Variants in DAP observed in about 807,000 individuals in gnomAD.
DAP encodes death associated protein.
Under a neutral mutation model 13.8 loss-of-function variants are expected in DAP, and 8 were observed. That is an observed-to-expected ratio of 0.58 (90% CI 0.34 to 1.05). The LOEUF is 1.05. Ranked by LOEUF, DAP falls within the 50% of genes least tolerant of loss-of-function variation. The pLI, the probability that DAP is intolerant of heterozygous loss-of-function variation, is 0.03. For synonymous variants in DAP, 47 were observed against 47.5 expected (o/e 0.99, Z 0.04); for missense variants, 106 against 133.2 (o/e 0.80, Z 1.01).
chr5:10,752,638 C>CTG (rs35087570), intron 1 of DAP, among the ~76,000 whole-genome samples: 4,321 of 150,686 alleles, frequency 0.029, 94 homozygotes, highest in African/African-American at 0.067. Flanking sequence ...CCAGTTCTGC[C>CTG]TGTGTGTGTG....
intron 2 of DAP, among the ~76,000 whole-genome samples, chr5:10,696,509 G>C (rs559747750): frequency 1.3e-5 from 2 of 152,318 alleles, no homozygotes; most frequent in African/African-American, 4.8e-5. Context: ...CAGATGAGCA[G>C]CCTCTCAAAG....
intron 2 of DAP, among the ~76,000 whole-genome samples, chr5:10,692,968 T>C (rs1225938277): frequency 1.3e-5 from 2 of 152,184 alleles, no homozygotes; most frequent in African/African-American, 4.8e-5. Flanking sequence ...AAAAATGCAG[T>C]GCCCTTCTTC....
intron 2 of DAP, among the ~76,000 whole-genome samples, chr5:10,721,812 T>C (rs182995367): frequency 2.0e-5 from 3 of 152,344 alleles, no homozygotes; most frequent in Admixed American, 6.5e-5. Context: ...TTGTCATGAG[T>C]ATTTCCTCTT....
chr5:10,736,967 G>A (rs1739626962), intron 2 of DAP, among the ~76,000 whole-genome samples: 1 of 152,220 alleles, frequency 6.6e-6, no homozygotes. Context: ...CCAGTGCAGG[G>A]CTCTGTGGCC....
chr5:10,728,964 G>A (rs765787890), intron 2 of DAP, among the ~76,000 whole-genome samples: 4 of 152,240 alleles, frequency 2.6e-5, no homozygotes, highest in Admixed American at 6.5e-5. Context: ...TCCACCTATC[G>A]AAATTCTATG....
chr5:10,745,879 C>T (rs1271185250), intron 2 of DAP, among the ~76,000 whole-genome samples: 1 of 152,164 alleles, frequency 6.6e-6, no homozygotes, highest in Non-Finnish European at 1.5e-5. Context: ...CCCCAGGTTT[C>T]CTAGAGGGAA....
At chr5:10,692,414 C>T (rs542704132) in intron 2 of DAP, among the ~76,000 whole-genome samples, 1 of 152,278 alleles carries the variant, frequency 6.6e-6, no homozygotes, top group South Asian at 2.1e-4. Context: ...CATCCTTTCG[C>T]AGTTGAGAGC....
intron 2 of DAP, among the ~76,000 whole-genome samples, chr5:10,700,335 G>T (rs947533129): frequency 5.9e-5 from 9 of 152,186 alleles, no homozygotes; most frequent in Admixed American, 4.6e-4. Context: ...CATTTCAGGA[G>T]AACTGCCACC....
At chr5:10,748,353 G>T in intron 1 of DAP, 82 bp from the exon 2 acceptor site, 1 of 1,086,982 alleles carries the variant, frequency 9.2e-7, no homozygotes, top group Non-Finnish European at 1.4e-6. Flanking sequence ...AAAGGTTCTG[G>T]TTGCTCAGTG....
intron 2 of DAP, among the ~76,000 whole-genome samples, chr5:10,692,227 A>G (rs1346811943): frequency 8.1e-6 from 1 of 123,164 alleles, no homozygotes; most frequent in Non-Finnish European, 1.6e-5. Context: ...ATAAAAATTG[A>G]GAAGACTTTT....
intron 1 of DAP, among the ~76,000 whole-genome samples, chr5:10,754,988 T>G (rs981201529): frequency 6.6e-6 from 1 of 152,176 alleles, no homozygotes; most frequent in Non-Finnish European, 1.5e-5. Flanking sequence ...GGAATTAAGG[T>G]TGCTCATCAG....
intron 2 of DAP, among the ~76,000 whole-genome samples, chr5:10,693,135 C>CACACAA (rs1285912460): frequency 6.9e-6 from 1 of 145,672 alleles, no homozygotes; most frequent in African/African-American, 2.6e-5. Flanking sequence ...CACACACACA[C>CACACAA]ACACACACAC....
intron 2 of DAP, among the ~76,000 whole-genome samples, chr5:10,740,492 A>G (rs1237626670): frequency 6.6e-6 from 1 of 152,250 alleles, no homozygotes; most frequent in Non-Finnish European, 1.5e-5. Flanking sequence ...TGCATCACAA[A>G]CACACTGTTG....
At chr5:10,749,019 C>G (rs1429221573) in intron 1 of DAP, among the ~76,000 whole-genome samples, 1 of 152,190 alleles carries the variant, frequency 6.6e-6, no homozygotes, top group Non-Finnish European at 1.5e-5. Context: ...GGAAGCCAGT[C>G]ACCTGGACTT....
intron 1 of DAP, among the ~76,000 whole-genome samples, chr5:10,748,789 A>G (rs992325836): frequency 6.6e-6 from 1 of 152,234 alleles, no homozygotes. Flanking sequence ...GTGAAACCCT[A>G]CCGCTGGCAG....
chr5:10,730,784 C>T (rs1300831035), intron 2 of DAP, among the ~76,000 whole-genome samples: 12 of 102,278 alleles, frequency 1.2e-4, no homozygotes, highest in African/African-American at 3.7e-4. Context: ...TAGGGGGAAT[C>T]CTTCTCTATT....
At chr5:10,716,686 T>G (rs1314797951) in intron 2 of DAP, among the ~76,000 whole-genome samples, 1 of 152,220 alleles carries the variant, frequency 6.6e-6, no homozygotes, top group Non-Finnish European at 1.5e-5. Context: ...GTTTTGAGAC[T>G]CGGACCTGGC....
At chr5:10,698,881 G>T (rs1345349463) in intron 2 of DAP, among the ~76,000 whole-genome samples, 1 of 152,142 alleles carries the variant, frequency 6.6e-6, no homozygotes, top group East Asian at 1.9e-4. Flanking sequence ...GAAGACTTGG[G>T]TTTTAGAGCA....
intron 2 of DAP, among the ~76,000 whole-genome samples, chr5:10,694,682 A>G (rs1343290365): frequency 6.6e-6 from 1 of 152,192 alleles, no homozygotes; most frequent in Non-Finnish European, 1.5e-5. Context: ...AGAGGACACG[A>G]CACTAGAGCA....
Sources: gnomAD v4.1 joint callset for allele counts (sites outside exome capture counted in the v4.1 genomes callset) on GRCh38, gnomAD v4.1.1 for gene constraint, MANE v1.5 for transcripts, NCBI Gene and HGNC (gene_info 2026-07-23, HGNC 2026-07-21) for gene names.